The following CDH12 variants were observed in gnomAD, a reference collection of about 807,000 sequenced individuals.
The protein encoded by CDH12 is cadherin 12.
CDH12 carries 41 observed loss-of-function variants against 74.1 expected under a neutral mutation model. The ratio of observed to expected loss-of-function variants is 0.55; its 90% confidence interval spans 0.43 to 0.72. The LOEUF (loss-of-function observed/expected upper bound fraction) is 0.72. Among genes scored for constraint, CDH12 ranks in the 30% least tolerant of loss-of-function variants. CDH12 has a pLI of 0.00. For missense variants in CDH12, 945 were observed against 977.2 expected, an observed-to-expected ratio of 0.97 and a Z score of 0.44; for synonymous variants, 399 against 355.0, an observed-to-expected ratio of 1.12 and a Z score of -1.39.
chr5:22,793,511 C>G (rs1254693088), intron 1 of CDH12, among the ~76,000 whole-genome samples: 2 of 152,168 alleles, frequency 1.3e-5, no homozygotes, highest in East Asian at 1.9e-4. Flanking sequence ...TGTATACTGT[C>G]TCTTACGTGG....
At chr5:22,678,402 A>G (rs560825432) in intron 1 of CDH12, among the ~76,000 whole-genome samples, 1 of 152,266 alleles carries the variant, frequency 6.6e-6, no homozygotes, top group African/African-American at 2.4e-5. Flanking sequence ...CAAAATTAAA[A>G]GTATTTTTAA....
At chr5:22,036,087 A>C (rs1317990336) in intron 5 of CDH12, among the ~76,000 whole-genome samples, 2 of 152,144 alleles carry the variant, frequency 1.3e-5, no homozygotes, top group Non-Finnish European at 2.9e-5. Context: ...GAAAAAAAGC[A>C]CCTTAGATGG....
At chr5:22,648,690 G>A (rs1049813940) in intron 1 of CDH12, among the ~76,000 whole-genome samples, 5 of 151,730 alleles carry the variant, frequency 3.3e-5, no homozygotes, top group African/African-American at 4.8e-5. Flanking sequence ...ATATTCACAG[G>A]CAGTTTATAA....
intron 1 of CDH12, among the ~76,000 whole-genome samples, chr5:22,718,038 T>C (rs1234979920): frequency 6.6e-6 from 1 of 152,210 alleles, no homozygotes; most frequent in East Asian, 1.9e-4. Context: ...ATATTCTGTG[T>C]GCCTCATGCA....
intron 3 of CDH12, among the ~76,000 whole-genome samples, chr5:22,402,600 G>C (rs998156499): frequency 2.6e-5 from 4 of 152,208 alleles, no homozygotes; most frequent in African/African-American, 9.6e-5. Context: ...GAGATAAACT[G>C]AAGATGAAAC....
At chr5:22,783,911 C>A (rs571181736) in intron 1 of CDH12, among the ~76,000 whole-genome samples, 54 of 152,054 alleles carry the variant, frequency 3.6e-4, no homozygotes, top group Non-Finnish European at 6.3e-4. Context: ...TGCTTTTTTT[C>A]CCATCAGAAC....
Position 22,626,134 on chromosome 5 carries a change from C to T in CDH12, c.-522-120770G>A, listed in dbSNP as rs865993093. 1.4e-4 allele frequency among the ~76,000 whole-genome samples: 21 copies of T among 152,104 alleles called. No individual in the cohort carries two copies. In the South Asian group the frequency reaches 2.7e-3, roughly 19 times the overall value. ...ACAAGTGCATGCATACATGTTGGCA[C>T]CCTACCCCCCCCAACATGTGGGCAC... is the stretch of plus-strand genomic sequence containing the variant. On this transcript the variant is annotated intron_variant, in intron 1 of 14. Transcript: ENST00000382254.
intron 5 of CDH12, among the ~76,000 whole-genome samples, chr5:21,978,063 T>C (rs1193994386): frequency 6.6e-6 from 1 of 152,188 alleles, no homozygotes; most frequent in Non-Finnish European, 1.5e-5. Context: ...TAAAATTTCC[T>C]TTACTTCAAC....
intron 1 of CDH12, among the ~76,000 whole-genome samples, chr5:22,754,402 AG>A (rs765333836): frequency 3.4e-4 from 51 of 152,204 alleles, no homozygotes; most frequent in Non-Finnish European, 6.6e-4. Flanking sequence ...ACAAGTGAAC[AG>A]GCAGATGGAA....
chr5:22,624,151 T>C (rs936972000), intron 1 of CDH12, among the ~76,000 whole-genome samples: 3 of 152,040 alleles, frequency 2.0e-5, no homozygotes, highest in Non-Finnish European at 4.4e-5. Context: ...TTACACCTTA[T>C]ACAAAAATTC....
intron 5 of CDH12, among the ~76,000 whole-genome samples, chr5:21,982,215 A>G (rs1757335052): frequency 2.6e-5 from 4 of 152,116 alleles, no homozygotes; most frequent in Admixed American, 2.6e-4. Context: ...CGTGAGTGAC[A>G]GAGATCTCTT....
rs568562674 is a variant in CDH12 at position 22,826,629 on chromosome 5, T to G, written c.-523+26429A>C. Among the ~76,000 whole-genome samples, 8 of 152,268 alleles carry G rather than the reference T, an allele frequency of 5.3e-5. No homozygotes were observed. The South Asian group carries it at 1.7e-3, about 32-fold the overall frequency. On this transcript the variant is annotated intron_variant, in intron 1 of 14. Transcript: ENST00000382254. The stretch of plus-strand genomic sequence containing the variant: ...GTGATGTGAATAATAAGGTCCAGGC[T>G]AAGGTGGTCTCAGATGGAGATGAAG...
At chr5:22,045,646 T>C (rs1244098769) in intron 5 of CDH12, among the ~76,000 whole-genome samples, 1 of 145,356 alleles carries the variant, frequency 6.9e-6, no homozygotes, top group East Asian at 2.0e-4. Flanking sequence ...TGGGACAATA[T>C]AGATAAAGTT....
At chr5:21,799,387 G>T (rs957506490) in intron 10 of CDH12, among the ~76,000 whole-genome samples, 3 of 152,126 alleles carry the variant, frequency 2.0e-5, no homozygotes, top group Admixed American at 2.0e-4. Flanking sequence ...AGAAACCAAA[G>T]CTTAAGGACT....
intron 6 of CDH12, among the ~76,000 whole-genome samples, chr5:21,875,303 T>C (rs548219966): frequency 2.6e-5 from 4 of 152,204 alleles, no homozygotes; most frequent in Non-Finnish European, 5.9e-5. Context: ...AAAATGGGAG[T>C]ATAGAGAGTG....
chr5:22,743,967 C>A (rs1383397996), intron 1 of CDH12, among the ~76,000 whole-genome samples: 1 of 151,784 alleles, frequency 6.6e-6, no homozygotes, highest in Non-Finnish European at 1.5e-5. Flanking sequence ...CATTTATAAT[C>A]CTTCCTTAGA....
intron 1 of CDH12, among the ~76,000 whole-genome samples, chr5:22,549,384 A>C (rs1738468790): frequency 6.6e-6 from 1 of 152,102 alleles, no homozygotes; most frequent in Admixed American, 6.5e-5. Flanking sequence ...TTGAGGAAAT[A>C]ATAAAAAGTT....
chr5:22,587,983 CAT>C (rs986617227), intron 1 of CDH12, among the ~76,000 whole-genome samples: 1 of 148,014 alleles, frequency 6.8e-6, no homozygotes, highest in African/African-American at 2.5e-5. Flanking sequence ...AATCTCCATA[CAT>C]ATATATGTGT....
intron 2 of CDH12, among the ~76,000 whole-genome samples, chr5:22,492,901 C>T (rs1746945965): frequency 1.3e-5 from 2 of 151,946 alleles, no homozygotes; most frequent in Non-Finnish European, 1.5e-5. Flanking sequence ...CCACCGATCG[C>T]ACACAGAAGA....
Sources: allele counts gnomAD v4.1 joint callset (sites outside exome capture counted in the v4.1 genomes callset), GRCh38; gene constraint gnomAD v4.1.1; transcripts MANE v1.5; gene names NCBI Gene and HGNC (gene_info 2026-07-23, HGNC 2026-07-21).